Variants in CPQ observed in about 807,000 individuals in gnomAD.
CPQ encodes Ser-Met dipeptidase.
Under a neutral mutation model 45.7 loss-of-function variants are expected in CPQ, and 37 were observed. The ratio of observed to expected loss-of-function variants is 0.81; its 90% CI spans 0.62 to 1.07. The LOEUF (loss-of-function observed/expected upper bound fraction) is 1.07. CPQ is among the 50% of genes least tolerant of loss of function. The pLI, the probability that CPQ is intolerant of heterozygous loss-of-function variation, is 0.00. For synonymous variants in CPQ, 186 were observed against 205.8 expected (o/e 0.90, Z 0.82); for missense variants, 537 against 572.9 (o/e 0.94, Z 0.64).
chr8:97,071,144 G>A (rs1348817104), intron 7 of CPQ, among the ~76,000 whole-genome samples: 1 of 152,080 alleles, frequency 6.6e-6, no homozygotes. Context: ...TGTGGTAGAC[G>A]GTGTATTGCA....
chr8:96,948,371 C>A (rs551496465), intron 4 of CPQ, among the ~76,000 whole-genome samples: 1 of 152,008 alleles, frequency 6.6e-6, no homozygotes, highest in African/African-American at 2.4e-5. Flanking sequence ...TGAGGTATTT[C>A]TAATTTCCTT....
chr8:97,026,427 C>A (rs1809799435), intron 5 of CPQ, among the ~76,000 whole-genome samples: 1 of 152,168 alleles, frequency 6.6e-6, no homozygotes, highest in African/African-American at 2.4e-5. Flanking sequence ...ACAGCCAATG[C>A]CTTTCTGTAC....
chr8:96,827,148 A>G (rs1321608106), intron 2 of CPQ, among the ~76,000 whole-genome samples: 1 of 152,120 alleles, frequency 6.6e-6, no homozygotes, highest in Non-Finnish European at 1.5e-5. Context: ...TGACTGAGAT[A>G]TCGCAGTTTA....
At chr8:96,899,643 C>G (rs1475031582) in intron 4 of CPQ, among the ~76,000 whole-genome samples, 1 of 151,998 alleles carries the variant, frequency 6.6e-6, no homozygotes, top group Admixed American at 6.6e-5. Context: ...TTTAAACAAC[C>G]AGATCTCATG....
At chr8:96,700,195 T>C (rs1189948034) in intron 1 of CPQ, among the ~76,000 whole-genome samples, 2 of 152,080 alleles carry the variant, frequency 1.3e-5, no homozygotes, top group Non-Finnish European at 2.9e-5. Flanking sequence ...ATGTATGTAC[T>C]TGGAAATTGA....
chr8:96,705,155 C>T (rs1809516641), intron 1 of CPQ, among the ~76,000 whole-genome samples: 1 of 152,098 alleles, frequency 6.6e-6, no homozygotes, highest in South Asian at 2.1e-4. Context: ...ATTTATATGG[C>T]CTTTCTGAGT....
At chr8:96,670,613 A>C (rs562441953) in intron 1 of CPQ, among the ~76,000 whole-genome samples, 3 of 152,318 alleles carry the variant, frequency 2.0e-5, no homozygotes, top group Non-Finnish European at 4.4e-5. Context: ...AATAGCCAAA[A>C]TGGAAAGAAT....
intron 6 of CPQ, among the ~76,000 whole-genome samples, chr8:97,047,505 G>A (rs1351029708): frequency 6.6e-6 from 1 of 152,166 alleles, no homozygotes; most frequent in Non-Finnish European, 1.5e-5. Context: ...AATGGCCAAA[G>A]GATATTGTGT....
At chr8:97,135,629 A>G (rs904999730) in intron 7 of CPQ, among the ~76,000 whole-genome samples, 3 of 152,174 alleles carry the variant, frequency 2.0e-5, no homozygotes, top group East Asian at 3.9e-4. Flanking sequence ...TGTTAAGACC[A>G]TAACATTCTT....
chr8:97,005,011 T>C (rs1809356058), intron 5 of CPQ, among the ~76,000 whole-genome samples: 1 of 152,112 alleles, frequency 6.6e-6, no homozygotes, highest in South Asian at 2.1e-4. Flanking sequence ...TTTATGGGGC[T>C]GAAGAAAAGG....
At chr8:97,017,278 C>A (rs995434294) in intron 5 of CPQ, among the ~76,000 whole-genome samples, 3 of 152,132 alleles carry the variant, frequency 2.0e-5, no homozygotes, top group Admixed American at 2.0e-4. Context: ...GCTCCCCTAG[C>A]AAGCCACTTC....
intron 5 of CPQ, among the ~76,000 whole-genome samples, chr8:97,017,629 T>A (rs891832729): frequency 6.6e-6 from 1 of 152,114 alleles, no homozygotes; most frequent in African/African-American, 2.4e-5. Flanking sequence ...GGCCTGTGAC[T>A]GCCGGCTTTC....
intron 4 of CPQ, among the ~76,000 whole-genome samples, chr8:96,929,302 G>A (rs1217086731): frequency 6.6e-6 from 1 of 152,176 alleles, no homozygotes; most frequent in East Asian, 1.9e-4. Flanking sequence ...CTGAACAGAT[G>A]TGACCAATTG....
intron 3 of CPQ, among the ~76,000 whole-genome samples, chr8:96,850,089 CT>C (rs1174237696): frequency 1.3e-5 from 2 of 152,130 alleles, no homozygotes; most frequent in South Asian, 2.1e-4. Flanking sequence ...TAGGTCCCCC[CT>C]AAATTGATAT....
intron 4 of CPQ, among the ~76,000 whole-genome samples, chr8:96,904,107 C>T (rs1812546537): frequency 6.6e-6 from 1 of 152,140 alleles, no homozygotes; most frequent in Non-Finnish European, 1.5e-5. Flanking sequence ...CACAGGGTCA[C>T]CTAGCTCAAG....
rs77438748 is a variant in CPQ, at chr8:96,773,833, A to G, written c.-34-11031A>G. Among the ~76,000 whole-genome samples the G allele has an allele frequency of 7.6e-4, 116 of 152,268 alleles. 2 individuals are homozygous for G. The East Asian group carries it at 0.019, about 25-fold the overall frequency. Reference sequence around the variant, plus strand: ...GGGGATGAATCCTACATCCTCACACATGGAAGGGACAGAAGAGCAAGAGAG... The same window carrying G: ...GGGGATGAATCCTACATCCTCACACGTGGAAGGGACAGAAGAGCAAGAGAG... On this transcript the variant is annotated intron_variant, in intron 1 of 7. Transcript: ENST00000220763.
intron 3 of CPQ, among the ~76,000 whole-genome samples, chr8:96,836,647 C>T (rs1263919837): frequency 3.9e-5 from 6 of 152,128 alleles, no homozygotes; most frequent in African/African-American, 7.2e-5. Flanking sequence ...CATGATTTCA[C>T]GGTCATGAGA....
In CPQ at chr8:96,879,675, T is replaced by A. The variant is rs942849082; in HGVS notation, c.642-123T>A. 9.0e-6 allele frequency: 6 copies of A among 664,682 alleles called. No individual in the cohort carries two copies. The African/African-American group carries it at 1.1e-4, about 12-fold the overall frequency. 41.2% of individuals were successfully genotyped at this position (664,682 alleles called of 1,614,324 possible). A position where few individuals can be genotyped will look rare whatever the true frequency, so the allele number is the denominator to read the frequency against. On this transcript the variant is annotated intron_variant, in intron 3 of 7. Transcript: ENST00000220763. ...AGCAAGTAAATCAATACTTCCCACA[T>A]TTCCTGTTTCCCAGATGCAAACAAA...
Position 96,801,932 on chromosome 8 carries a change from A to C in CPQ, c.433+16602A>C, listed in dbSNP as rs992425407. 2.0e-5 allele frequency among the ~76,000 whole-genome samples: 3 copies of C among 152,210 alleles called. No individual in the cohort carries two copies. In the East Asian group the frequency reaches 5.8e-4, roughly 29 times the overall value. On this transcript the variant is annotated intron_variant, in intron 2 of 7. Coordinates refer to ENST00000220763, the MANE Select transcript of CPQ (RefSeq NM_016134.4). ...TCGTGGTCAATAATTAATAGGTTAT[A>C]ATAAGTATTGAGCTTAATCAAGTAG...
Sources: allele counts gnomAD v4.1 joint callset (sites outside exome capture counted in the v4.1 genomes callset), GRCh38; gene constraint gnomAD v4.1.1; transcripts MANE v1.5; gene names NCBI Gene and HGNC (gene_info 2026-07-23, HGNC 2026-07-21).